Variants in SLC12A6 observed in about 807,000 individuals in gnomAD.
SLC12A6 encodes solute carrier family 12 member 6.
SLC12A6 carries 66 observed loss-of-function variants against 135.3 expected under a neutral mutation model. That is an observed-to-expected ratio of 0.49 (90% CI 0.40 to 0.60). The LOEUF is 0.60. Ranked by LOEUF, SLC12A6 falls within the 20% of genes least tolerant of loss-of-function variation. The pLI is 0.00. For synonymous variants in SLC12A6, 513 were observed against 508.8 expected, an observed-to-expected ratio of 1.01 and a Z score of -0.11; for missense variants, 1,058 against 1,452.3, an observed-to-expected ratio of 0.73 and a Z score of 4.41.
At chr15:34,292,158 A>G (rs1160786238) in intron 2 of SLC12A6, among the ~76,000 whole-genome samples, 2 of 152,138 alleles carry the variant, frequency 1.3e-5, no homozygotes, top group Admixed American at 6.5e-5. Context: ...GGTGACTTAC[A>G]GATGGGGTTT....
rs2140654175 is a variant in SLC12A6 at position 34,239,096 on chromosome 15, T to C, written c.2501A>G (p.Lys834Arg). Reference protein sequence around the residue: ...KGFCQLVVAAKLREGISHLIQ... With the variant: ...KGFCQLVVAARLREGISHLIQ... ...GAGGTGGGAAATGCCCTCTCTCAGC[T>C]TGGCGGCCACCACCAGCTGGCAGAA... The change falls in exon 20 of 26, where the codon AAG (lysine) becomes AGG (arginine). Residue 834 changes from lysine (K) to arginine (R), a missense_variant. Physicochemically the swap from Lys to Arg is conservative, Grantham distance 26. Coordinates refer to ENST00000354181, the MANE Select transcript of SLC12A6 (RefSeq NM_001365088.1). 6.2e-7 allele frequency: 1 copy of C among 1,614,152 alleles called. No homozygotes were observed. The highest frequency in any genetic ancestry group is 8.5e-7 in the Non-Finnish European group (1 of 1,180,002).
At chr15:34,285,717 T>TGTATACACACACACACACACACACACACA (rs144158165) in intron 2 of SLC12A6, among the ~76,000 whole-genome samples, 26 of 131,112 alleles carry the variant, frequency 2.0e-4, no homozygotes, top group South Asian at 7.8e-4. Flanking sequence ...TGTGTGTTTG[T>TGTATACACACACACACACACACACACACA]CATACATAAA....
rs4238571 is a variant in SLC12A6 at position 34,230,784 on chromosome 15, C to G, written c.*3097G>C. On this transcript the variant is annotated 3_prime_UTR_variant, in exon 26 of 26. Coordinates refer to ENST00000354181, the MANE Select transcript of SLC12A6 (RefSeq NM_001365088.1). ...ACACACATGAAATACTCTAGACAGA[C>G]ATGAATATAAATCTGGCCTAATAAC... is the stretch of plus-strand genomic sequence containing the variant. 147,860 of 152,750 alleles carry G rather than the reference C, an allele frequency of 0.97. 71,742 individuals carry two copies. The highest frequency in any genetic ancestry group is 1 in the East Asian group (5,192 of 5,192). 9.5% of individuals were successfully genotyped at this position (152,750 alleles called of 1,614,324 possible).
intron 3 of SLC12A6, among the ~76,000 whole-genome samples, chr15:34,270,006 T>C (rs1048997785): frequency 6.7e-6 from 1 of 148,978 alleles, no homozygotes; most frequent in Non-Finnish European, 1.5e-5. Flanking sequence ...AAGAGACATT[T>C]CCTTTAATCT....
intron 2 of SLC12A6, among the ~76,000 whole-genome samples, chr15:34,321,814 G>C (rs1889111388): frequency 6.6e-6 from 1 of 152,224 alleles, no homozygotes; most frequent in East Asian, 1.9e-4. Flanking sequence ...TCAACAACAT[G>C]CATGAATCTC....
intron 2 of SLC12A6, among the ~76,000 whole-genome samples, chr15:34,315,664 T>C (rs976629288): frequency 2.0e-5 from 3 of 152,186 alleles, no homozygotes; most frequent in Non-Finnish European, 4.4e-5. Context: ...TAAATAAATA[T>C]CATTTTTATA....
chr15:34,319,432 C>T (rs778660427), intron 2 of SLC12A6, among the ~76,000 whole-genome samples: 13 of 152,084 alleles, frequency 8.5e-5, no homozygotes, highest in African/African-American at 2.7e-4. Flanking sequence ...CGTGAGCCAC[C>T]GTGCCCAGCC....
chr15:34,326,858 C>CTTTTTTTTTTT (rs397963192), intron 2 of SLC12A6, among the ~76,000 whole-genome samples: 1 of 72,176 alleles, frequency 1.4e-5, no homozygotes, highest in Non-Finnish European at 2.3e-5. Context: ...CAACTGGCTG[C>CTTTTTTTTTTT]TTTTTTTTTT....
chr15:34,337,201 T>C (rs1890258237), intron 1 of SLC12A6, 131 bp downstream of exon 1: 1 of 204,044 alleles, frequency 4.9e-6, no homozygotes, highest in Non-Finnish European at 1.0e-5. Context: ...CCACCTGTTG[T>C]GTATCAGGTG....
At chr15:34,245,606 T>C in intron 14 of SLC12A6, 87 bp downstream of exon 14, 1 of 1,186,676 alleles carries the variant, frequency 8.4e-7, no homozygotes, top group Non-Finnish European at 1.3e-6. Flanking sequence ...ACATTTATGA[T>C]CTAGTAATTT....
intron 9 of SLC12A6, among the ~76,000 whole-genome samples, chr15:34,254,113 C>CCAT (rs1436922672): frequency 8.5e-5 from 13 of 152,056 alleles, no homozygotes; most frequent in Non-Finnish European, 1.9e-4. Context: ...AATATCTGAA[C>CCAT]CTAAATGATG....
chr15:34,260,794 CAA>C, intron 4 of SLC12A6, 130 bp downstream of exon 4: 1 of 635,308 alleles, frequency 1.6e-6, no homozygotes, highest in Non-Finnish European at 2.9e-6. Context: ...ACTATAATAA[CAA>C]GTTACAATAT....
intron 3 of SLC12A6, among the ~76,000 whole-genome samples, chr15:34,262,082 T>C (rs1413766055): frequency 1.3e-5 from 2 of 152,180 alleles, no homozygotes; most frequent in African/African-American, 4.8e-5. Context: ...AAACCCAACC[T>C]TCAAGCCAAA....
rs769137207 is a variant in SLC12A6 at position 34,233,944 on chromosome 15, C to G, written c.3390G>C (p.Glu1130Asp). The change falls in exon 26 of 26, where the codon GAG becomes GAC. Residue 1130 changes from glutamate to aspartate, a missense_variant. Coordinates refer to ENST00000354181, the MANE Select transcript of SLC12A6 (RefSeq NM_001365088.1). ...GGACAAGTAGGACTCGCTCTAGTCC[C>G]TCGGTAAGCACCTCTAGGAACTCCA... is the stretch of plus-strand genomic sequence containing the variant. ...NYMEFLEVLTEGLERVLLVRG... is the reference protein window; with the variant it reads ...NYMEFLEVLTDGLERVLLVRG... 6.2e-7 allele frequency: 1 copy of G among 1,604,350 alleles called. No homozygotes were observed. Among genetic ancestry groups the G allele is most frequent in the South Asian group, 1.1e-5 (1 of 90,884 alleles).
chr15:34,325,515 G>A (rs954935337), intron 2 of SLC12A6, among the ~76,000 whole-genome samples: 5 of 152,048 alleles, frequency 3.3e-5, no homozygotes, highest in African/African-American at 1.2e-4. Flanking sequence ...TGAATTTGGA[G>A]GCTAAAACTA....
intron 2 of SLC12A6, among the ~76,000 whole-genome samples, chr15:34,305,913 G>A (rs146511870): frequency 0.027 from 4,138 of 151,866 alleles, 191 homozygotes; most frequent in African/African-American, 0.095. Flanking sequence ...GCCCACCACC[G>A]CGCCCGGCTA....
chr15:34,330,522 A>G (rs1163858062), intron 2 of SLC12A6, among the ~76,000 whole-genome samples: 1 of 151,980 alleles, frequency 6.6e-6, no homozygotes, highest in East Asian at 1.9e-4. Flanking sequence ...AAAAAAAATT[A>G]GCTGGTCATA....
At chr15:34,320,821 A>G (rs545081878) in intron 2 of SLC12A6, among the ~76,000 whole-genome samples, 1 of 152,138 alleles carries the variant, frequency 6.6e-6, no homozygotes, top group East Asian at 1.9e-4. Flanking sequence ...AGACAGGAGA[A>G]TGGCATGAAC....
chr15:34,320,016 T>A (rs1888954385), intron 2 of SLC12A6, among the ~76,000 whole-genome samples: 1 of 152,118 alleles, frequency 6.6e-6, no homozygotes, highest in South Asian at 2.1e-4. Flanking sequence ...GACTTTAGAG[T>A]ATGAGGTTCT....
Sources: gnomAD v4.1 joint callset for allele counts (sites outside exome capture counted in the v4.1 genomes callset) on GRCh38, gnomAD v4.1.1 for gene constraint, MANE v1.5 for transcripts, NCBI Gene and HGNC (gene_info 2026-07-23, HGNC 2026-07-21) for gene names.